Variants in ESR1 observed in about 807,000 individuals in gnomAD.
The protein encoded by ESR1 is estrogen receptor 1.
ESR1 carries 12 observed loss-of-function variants against 52.7 expected under a neutral mutation model. The observed-to-expected ratio is 0.23, with a 90% confidence interval of 0.15 to 0.37. ESR1 has a LOEUF of 0.37. Ranked by LOEUF, ESR1 falls within the 10% of genes least tolerant of loss-of-function variation. ESR1 has a pLI of 1.00. For synonymous variants in ESR1, 305 were observed against 316.8 expected (o/e 0.96, Z 0.39); for missense variants, 584 against 779.7 (o/e 0.75, Z 2.99).
At chr6:152,090,030 T>C (rs571708177) in intron 6 of ESR1, among the ~76,000 whole-genome samples, 1 of 152,344 alleles carries the variant, frequency 6.6e-6, no homozygotes, top group Non-Finnish European at 1.5e-5. Flanking sequence ...AGCCTCGGGC[T>C]GTCCAAACAC....
chr6:151,935,254 G>C (rs915157246), intron 3 of ESR1, among the ~76,000 whole-genome samples: 1 of 152,144 alleles, frequency 6.6e-6, no homozygotes, highest in African/African-American at 2.4e-5. Flanking sequence ...AAGACAAACT[G>C]GTTCTCACTT....
At chr6:151,679,118 A>C (rs1277394918) in intron 1 of ESR1, among the ~76,000 whole-genome samples, 1 of 152,194 alleles carries the variant, frequency 6.6e-6, no homozygotes, top group Non-Finnish European at 1.5e-5. Flanking sequence ...ATTAAACAGA[A>C]GTATGAATTG....
At chr6:151,720,395 G>C (rs1781371388) in intron 2 of ESR1, among the ~76,000 whole-genome samples, 1 of 152,116 alleles carries the variant, frequency 6.6e-6, no homozygotes, top group Admixed American at 6.5e-5. Flanking sequence ...GTTTAAATGA[G>C]CAGAGAGACT....
upstream of ESR1, among the ~76,000 whole-genome samples, chr6:151,689,809 T>G (rs918176213): frequency 6.6e-6 from 1 of 152,176 alleles, no homozygotes; most frequent in Admixed American, 6.5e-5. Context: ...AAGTACCTAC[T>G]GCATAAACCA....
chr6:152,061,152 T>C lies in ESR1; in HGVS notation c.1369+28T>C, dbSNP rs1490658275. 4.5e-5 allele frequency: 72 copies of C among 1,609,194 alleles called. No individual in the cohort carries two copies. The highest frequency in any genetic ancestry group is 5.6e-5 in the Non-Finnish European group (66 of 1,175,786). ...GAGTTGATAACACAAGATAACTCAA[T>C]GCTGGATGAAATGTTTATTTGTAGT... On this transcript the variant is annotated intron_variant, in intron 6 of 7. Transcript: ENST00000206249. The surrounding 1 kb of genome is among the most constrained non-coding windows in gnomAD (Gnocchi z 4.3).
At position 151,808,045 on chromosome 6, in the gene ESR1, G is replaced by C. The variant is rs1778156304; in HGVS notation, c.133G>C (p.Asp45His). Residue 45 changes from aspartate to histidine, a missense_variant, in exon 1 of 8, where the codon GAC (aspartate) becomes CAC (histidine). Coordinates refer to ENST00000206249, the MANE Select transcript of ESR1 (RefSeq NM_000125.4). ...GCGGCCCCTGGGCGAGGTGTACCTG[G>C]ACAGCAGCAAGCCCGCCGTGTACAA... ...LERPLGEVYL[D>H]SSKPAVYNYP... 6.2e-7 allele frequency: 1 copy of C among 1,613,728 alleles called. No individual in the cohort carries two copies. Among genetic ancestry groups the C allele is most frequent in the Non-Finnish European group, 8.5e-7 (1 of 1,179,962 alleles).
chr6:152,045,589 G>GT (rs1055994692), intron 5 of ESR1, among the ~76,000 whole-genome samples: 7 of 151,984 alleles, frequency 4.6e-5, no homozygotes, highest in African/African-American at 7.3e-5. Context: ...TTTGTTTTTT[G>GT]TTTTTTTCTA....
intron 5 of ESR1, among the ~76,000 whole-genome samples, chr6:152,020,666 G>A (rs2043567870): frequency 6.6e-6 from 1 of 151,996 alleles, no homozygotes; most frequent in Non-Finnish European, 1.5e-5. Flanking sequence ...GGCCAGGCTG[G>A]TCTGGAACTC....
chr6:151,790,928 A>G (rs1445030517), intron 2 of ESR1, among the ~76,000 whole-genome samples: 2 of 152,208 alleles, frequency 1.3e-5, no homozygotes, highest in African/African-American at 2.4e-5. Context: ...CCTGGGCATG[A>G]AAAAAACCTA....
intron 4 of ESR1, among the ~76,000 whole-genome samples, chr6:151,997,615 A>C (rs749940711): frequency 2.0e-5 from 3 of 152,176 alleles, no homozygotes; most frequent in Non-Finnish European, 4.4e-5. Context: ...AAAAGCTATG[A>C]TTGCTGGAGA....
chr6:151,806,927 G>A (rs1218970292), upstream of ESR1, among the ~76,000 whole-genome samples: 1 of 152,118 alleles, frequency 6.6e-6, no homozygotes, highest in Non-Finnish European at 1.5e-5. Context: ...TCCTTCACAT[G>A]AGAATTCCTA....
At chr6:151,875,030 G>A (rs551939330) in intron 2 of ESR1, among the ~76,000 whole-genome samples, 3 of 152,286 alleles carry the variant, frequency 2.0e-5, no homozygotes, top group East Asian at 3.9e-4. Context: ...TATAAAACAA[G>A]CTTTGGAATA....
intron 5 of ESR1, among the ~76,000 whole-genome samples, chr6:152,028,645 G>A (rs1192650619): frequency 6.6e-6 from 1 of 152,206 alleles, no homozygotes. Context: ...AAAGTGGCTG[G>A]GAAGCTGGAA....
upstream of ESR1, among the ~76,000 whole-genome samples, chr6:151,806,700 A>G (rs1462775307): frequency 1.3e-5 from 2 of 151,952 alleles, no homozygotes; most frequent in African/African-American, 4.8e-5. Context: ...TTGTAGGACT[A>G]AAGGATAGAC....
At chr6:152,107,482 T>C (rs2051080769), downstream of ESR1, among the ~76,000 whole-genome samples, 1 of 152,200 alleles carries the variant, frequency 6.6e-6, no homozygotes, top group South Asian at 2.1e-4. Context: ...TCTTAAGAAT[T>C]CCCATTTGTT....
chr6:151,811,894 T>C (rs1562431110), intron 1 of ESR1, among the ~76,000 whole-genome samples: 1 of 152,144 alleles, frequency 6.6e-6, no homozygotes, highest in East Asian at 1.9e-4. Context: ...CTTGTACCTG[T>C]TTGGAAGAAA....
chr6:151,657,084 A>G (rs1018521592), intron 1 of ESR1, among the ~76,000 whole-genome samples: 7 of 152,204 alleles, frequency 4.6e-5, no homozygotes, highest in Non-Finnish European at 8.8e-5. Flanking sequence ...ATAAATGTCT[A>G]TATCTTACAC....
chr6:152,011,235 T>C (rs1400826742), intron 4 of ESR1, among the ~76,000 whole-genome samples: 1 of 152,166 alleles, frequency 6.6e-6, no homozygotes, highest in Non-Finnish European at 1.5e-5. Context: ...TCATTCTGCC[T>C]GTGCCCCAAT....
intron 2 of ESR1, among the ~76,000 whole-genome samples, chr6:151,790,083 G>A (rs1787386380): frequency 6.6e-6 from 1 of 152,166 alleles, no homozygotes; most frequent in Admixed American, 6.5e-5. Flanking sequence ...CCATGCAGGT[G>A]GCACCACACC....
Sources: allele counts gnomAD v4.1 joint callset (sites outside exome capture counted in the v4.1 genomes callset), GRCh38; gene constraint gnomAD v4.1.1; non-coding constraint Gnocchi (gnomAD v3.1); transcripts MANE v1.5; gene names NCBI Gene and HGNC (gene_info 2026-07-23, HGNC 2026-07-21).